The following CCBE1 variants were observed in gnomAD, a reference collection of about 807,000 sequenced individuals.
The protein encoded by CCBE1 is collagen and calcium binding EGF domains 1.
A neutral mutation model predicts 50.0 loss-of-function variants in CCBE1; 37 were observed. The observed-to-expected ratio is 0.74, with a 90% CI of 0.57 to 0.97. CCBE1 has a LOEUF of 0.97. CCBE1 is among the 50% of genes least tolerant of loss of function. The pLI is 0.00. For missense variants in CCBE1, 538 were observed against 523.8 expected, an observed-to-expected ratio of 1.03 and a Z score of -0.26; for synonymous variants, 234 against 203.7, an observed-to-expected ratio of 1.15 and a Z score of -1.27.
chr18:59,475,430 C>A (rs1170859274), intron 3 of CCBE1, among the ~76,000 whole-genome samples: 1 of 152,232 alleles, frequency 6.6e-6, no homozygotes, highest in Non-Finnish European at 1.5e-5. Flanking sequence ...AACCTTGAGA[C>A]TTATCTGTAA....
chr18:59,494,380 G>A (rs1422357083), intron 2 of CCBE1, among the ~76,000 whole-genome samples: 1 of 152,042 alleles, frequency 6.6e-6, no homozygotes, highest in East Asian at 1.9e-4. Context: ...CAACCTTTAG[G>A]ATGTCTCTCC....
At chr18:59,593,732 A>G (rs550322663) in intron 2 of CCBE1, among the ~76,000 whole-genome samples, 1 of 152,212 alleles carries the variant, frequency 6.6e-6, no homozygotes, top group South Asian at 2.1e-4. Context: ...TTGTGGGAGA[A>G]AAAAAGCAAA....
At chr18:59,533,432 T>C (rs1915125928) in intron 2 of CCBE1, among the ~76,000 whole-genome samples, 1 of 152,230 alleles carries the variant, frequency 6.6e-6, no homozygotes, top group South Asian at 2.1e-4. Context: ...ATAGAGATTA[T>C]AAAGAGAACA....
intron 2 of CCBE1, among the ~76,000 whole-genome samples, chr18:59,656,317 A>G (rs2054188633): frequency 6.6e-6 from 1 of 152,182 alleles, no homozygotes; most frequent in Non-Finnish European, 1.5e-5. Context: ...ACTATACATA[A>G]ATAGAGCAGA....
chr18:59,503,933 T>C (rs1199629514), intron 2 of CCBE1, among the ~76,000 whole-genome samples: 2 of 152,300 alleles, frequency 1.3e-5, no homozygotes, highest in South Asian at 2.1e-4. Context: ...TGCTGTCTCC[T>C]CCTTTAGCCC....
intron 2 of CCBE1, among the ~76,000 whole-genome samples, chr18:59,571,164 T>A (rs1158271125): frequency 6.6e-6 from 1 of 152,196 alleles, no homozygotes; most frequent in Admixed American, 6.5e-5. Context: ...GCTAATGACA[T>A]CAGGAAAGGT....
chr18:59,645,211 G>C (rs1568251142), intron 2 of CCBE1, among the ~76,000 whole-genome samples: 4 of 150,256 alleles, frequency 2.7e-5, no homozygotes, highest in Non-Finnish European at 5.9e-5. Context: ...CCTGGAAACA[G>C]AACGAGACTC....
At chr18:59,470,354 G>C (rs1354252147) in intron 3 of CCBE1, among the ~76,000 whole-genome samples, 1 of 152,082 alleles carries the variant, frequency 6.6e-6, no homozygotes, top group Non-Finnish European at 1.5e-5. Context: ...CATCCCACCA[G>C]GTCCCTCCCA....
chr18:59,609,818 T>C (rs1212671904), intron 2 of CCBE1, among the ~76,000 whole-genome samples: 1 of 152,216 alleles, frequency 6.6e-6, no homozygotes, highest in Non-Finnish European at 1.5e-5. Flanking sequence ...AACCTACCCA[T>C]ACAAGTAATG....
chr18:59,512,612 T>C (rs1201913072), intron 2 of CCBE1, among the ~76,000 whole-genome samples: 1 of 152,246 alleles, frequency 6.6e-6, no homozygotes, highest in Non-Finnish European at 1.5e-5. Context: ...AGCGCCTTCC[T>C]GTGGTGCTGG....
Position 59,689,122 on chromosome 18 carries a change from C to G in CCBE1, c.212+7507G>C, listed in dbSNP as rs374896860. 9.2e-5 allele frequency among the ~76,000 whole-genome samples: 14 copies of G among 152,326 alleles called. No homozygotes were observed. In the South Asian group the frequency reaches 2.7e-3, roughly 29 times the overall value. ...AGAACAAGCCATGGGCCCTAGTTTG[C>G]CAATCCCTGCTCTCTACCAAACTCC... On this transcript the variant is annotated intron_variant, in intron 2 of 10. Coordinates refer to ENST00000439986, the MANE Select transcript of CCBE1 (RefSeq NM_133459.4).
At chr18:59,693,057 G>A (rs2054757115) in intron 2 of CCBE1, among the ~76,000 whole-genome samples, 1 of 152,016 alleles carries the variant, frequency 6.6e-6, no homozygotes, top group Non-Finnish European at 1.5e-5. Context: ...TGGTGAAGGT[G>A]ATGGCAGTCA....
chr18:59,628,541 T>A (rs1418311677), intron 2 of CCBE1, among the ~76,000 whole-genome samples: 1 of 152,186 alleles, frequency 6.6e-6, no homozygotes, highest in Admixed American at 6.5e-5. Context: ...AGGGCTGCCA[T>A]GGACATTCCC....
intron 5 of CCBE1, among the ~76,000 whole-genome samples, chr18:59,461,256 C>T (rs1306574712): frequency 6.6e-6 from 1 of 151,558 alleles, no homozygotes; most frequent in Non-Finnish European, 1.5e-5. Flanking sequence ...CCTTCCCCGC[C>T]ACCACTGGCC....
intron 2 of CCBE1, among the ~76,000 whole-genome samples, chr18:59,528,741 G>A (rs1370959181): frequency 6.6e-6 from 1 of 152,114 alleles, no homozygotes; most frequent in African/African-American, 2.4e-5. Context: ...TTTGCTGGGG[G>A]TTCACTCCAG....
intron 2 of CCBE1, among the ~76,000 whole-genome samples, chr18:59,689,304 G>A (rs2054699000): frequency 6.6e-6 from 1 of 152,192 alleles, no homozygotes; most frequent in African/African-American, 2.4e-5. Flanking sequence ...CAAATAGAAT[G>A]TCCCACAGGA....
chr18:59,670,307 T>C (rs1192625198), intron 2 of CCBE1, among the ~76,000 whole-genome samples: 3 of 152,166 alleles, frequency 2.0e-5, no homozygotes, highest in Non-Finnish European at 4.4e-5. Context: ...CAGGAATGAT[T>C]TGGGGAAGAA....
Position 59,637,552 on chromosome 18 carries a change from G to GA in CCBE1, c.212+59076dup, listed in dbSNP as rs560327524. On this transcript the variant is annotated intron_variant, in intron 2 of 10. Transcript: ENST00000439986. ...AGAAAGCTAAGGTGTACAAAGGAAT[G>GA]AAAAAAACAACTCATTAAAGTTCAT... is the stretch of plus-strand genomic sequence containing the variant. Among the ~76,000 whole-genome samples the GA allele has an allele frequency of 1.7e-3, 252 of 152,080 alleles. 3 individuals carry two copies. The South Asian group carries it at 0.028, about 17-fold the overall frequency.
chr18:59,632,707 G>A lies in CCBE1; in HGVS notation c.212+63922C>T, dbSNP rs535264589. ...CAGGTTCAAGCTAGTCTCCTGCCTCGGCCTCCTGAGTAGCTGGGATTACAG... is the reference window on the plus strand; with the variant it reads ...CAGGTTCAAGCTAGTCTCCTGCCTCAGCCTCCTGAGTAGCTGGGATTACAG... On this transcript the variant is annotated intron_variant, in intron 2 of 10. Coordinates refer to ENST00000439986, the MANE Select transcript of CCBE1 (RefSeq NM_133459.4). Among the ~76,000 whole-genome samples the A allele has an allele frequency of 1.2e-4, 18 of 152,074 alleles. No homozygotes were observed. The Middle Eastern group carries it at 0.01, about 86-fold the overall frequency.
Sources: allele counts gnomAD v4.1 joint callset (sites outside exome capture counted in the v4.1 genomes callset), GRCh38; gene constraint gnomAD v4.1.1; transcripts MANE v1.5; gene names NCBI Gene and HGNC (gene_info 2026-07-23, HGNC 2026-07-21).